Variants in NR2E1 observed in about 807,000 individuals in gnomAD.
NR2E1 encodes nuclear receptor TLX.
A neutral mutation model predicts 43.6 loss-of-function variants in NR2E1; 5 were observed. The observed-to-expected ratio is 0.11, with a 90% CI of 0.06 to 0.24. The LOEUF (loss-of-function observed/expected upper bound fraction) is 0.24. Ranked by LOEUF, NR2E1 falls within the 10% of genes least tolerant of loss-of-function variation. The pLI is 1.00. For synonymous variants in NR2E1, 191 were observed against 195.5 expected (o/e 0.98, Z 0.19); for missense variants, 287 against 496.7 (o/e 0.58, Z 4.01).
At position 108,166,824 on chromosome 6, in the gene NR2E1, C is replaced by T. The variant is rs1305409418; in HGVS notation, c.25+34C>T. On this transcript the variant is annotated intron_variant, in intron 1 of 8. Coordinates refer to ENST00000368986, the MANE Select transcript of NR2E1 (RefSeq NM_003269.5). The surrounding 1 kb of genome is among the most constrained non-coding windows in gnomAD (Gnocchi z 7.2). Reference sequence around the variant, plus strand: ...CTCTCGGGCCGCCGTGGGGCCTAGGCGCGCAGCCTGGGGCGAGCGAGCGGG... The same window carrying T: ...CTCTCGGGCCGCCGTGGGGCCTAGGTGCGCAGCCTGGGGCGAGCGAGCGGG... 1.9e-6 allele frequency: 3 copies of T among 1,582,710 alleles called. No homozygotes were observed. The highest frequency in any genetic ancestry group is 2.3e-5 in the East Asian group (1 of 43,912).
rs1773718500 is a variant in NR2E1 at position 108,166,914 on chromosome 6, C to T, written c.25+124C>T. 9.7e-7 allele frequency: 1 copy of T among 1,032,444 alleles called. No individual in the cohort carries two copies. The highest frequency in any genetic ancestry group is 1.4e-6 in the Non-Finnish European group (1 of 690,308). 64.0% of individuals were successfully genotyped at this position (1,032,444 alleles called of 1,614,324 possible). ...AGCCCCTGAGAGGGATTCCAGCGGG[C>T]GTGTGCGTTCGGCCCAGACCTGTAG... On this transcript the variant is annotated intron_variant, in intron 1 of 8. Coordinates refer to ENST00000368986, the MANE Select transcript of NR2E1 (RefSeq NM_003269.5). The surrounding 1 kb of genome is among the most constrained non-coding windows in gnomAD (Gnocchi z 7.2).
At chr6:108,185,775 T>C (rs558601673) in intron 8 of NR2E1, among the ~76,000 whole-genome samples, 1 of 152,344 alleles carries the variant, frequency 6.6e-6, no homozygotes, top group African/African-American at 2.4e-5. Flanking sequence ...AACCAACCCT[T>C]TCCCAACTAA....
intron 4 of NR2E1, among the ~76,000 whole-genome samples, chr6:108,177,330 A>G (rs2114677107): frequency 6.6e-6 from 1 of 152,360 alleles, no homozygotes; most frequent in African/African-American, 2.4e-5. Context: ...GTGGATTTAC[A>G]GCAGGGTTGA....
rs556964221 is a variant in NR2E1, at chr6:108,169,188, C to T, written c.26-2270C>T. The stretch of plus-strand genomic sequence containing the variant: ...GGCCCGCTATGCCCCGGAATTTTCG[C>T]GTCCCTCCCTCCTGGGCCCCGCCCC... On this transcript the variant is annotated intron_variant, in intron 1 of 8. Transcript: ENST00000368986. The surrounding 1 kb of genome is among the most constrained non-coding windows in gnomAD (Gnocchi z 6.1). Among the ~76,000 whole-genome samples, 1 of 152,288 alleles carries T rather than the reference C, an allele frequency of 6.6e-6. No homozygotes were observed. Among genetic ancestry groups the T allele is most frequent in the East Asian group, 1.9e-4 (1 of 5,170 alleles).
chr6:108,179,471 C>T (rs1361835902), intron 5 of NR2E1, among the ~76,000 whole-genome samples: 4 of 146,564 alleles, frequency 2.7e-5, no homozygotes, highest in African/African-American at 1.0e-4. Context: ...ACCAGGTTTA[C>T]TGGTTAGCTC....
Position 108,174,839 on chromosome 6 carries a change from G to A in NR2E1, c.175G>A (p.Gly59Ser), listed in dbSNP as rs770501650. ...TYVCKSGNQGGCPVDKTHRNQ... is the reference protein window; with the variant it reads ...TYVCKSGNQGSCPVDKTHRNQ... ...GACCTCCTGCTCTCTGTTCCAGGGA[G>A]GCTGTCCGGTGGACAAGACGCACAG... Residue 59 changes from glycine to serine, a missense_variant, in exon 3 of 9, where the codon GGC becomes AGC. This residue lies in a region of NR2E1 where 46 missense variants were observed against 132.3 expected (regional missense o/e 0.35). Transcript: ENST00000368986. 3.7e-6 allele frequency: 6 copies of A among 1,613,848 alleles called. No homozygotes were observed. The East Asian group carries it at 1.3e-4, about 36-fold the overall frequency.
chr6:108,177,204 C>A (rs894593419), intron 4 of NR2E1, among the ~76,000 whole-genome samples: 2 of 152,232 alleles, frequency 1.3e-5, no homozygotes, highest in East Asian at 3.8e-4. Context: ...CATGTATGAT[C>A]TTGGGCAAAG....
At chr6:108,177,534 A>G (rs894311881) in intron 4 of NR2E1, among the ~76,000 whole-genome samples, 3 of 152,240 alleles carry the variant, frequency 2.0e-5, no homozygotes, top group African/African-American at 4.8e-5. Context: ...GCACACGCAC[A>G]ATATTTAATA....
chr6:108,177,349 G>A (rs1773916247), intron 4 of NR2E1, among the ~76,000 whole-genome samples: 1 of 152,198 alleles, frequency 6.6e-6, no homozygotes, highest in Non-Finnish European at 1.5e-5. Context: ...GATTCCATAG[G>A]AGCAGGGCCA....
intron 3 of NR2E1, 119 bp from the exon 4 acceptor site, chr6:108,176,384 C>A: frequency 1.1e-6 from 1 of 890,892 alleles, no homozygotes; most frequent in Non-Finnish European, 1.8e-6. Context: ...TTCTTTTCAC[C>A]TCTTGGGCGA....
At chr6:108,177,953 C>T in intron 4 of NR2E1, 142 bp from the exon 5 acceptor site, 2 of 852,324 alleles carry the variant, frequency 2.3e-6, no homozygotes, top group Middle Eastern at 2.2e-4. Flanking sequence ...TTTTACCCAC[C>T]AATGTCAACT....
chr6:108,175,041 C>G, intron 3 of NR2E1, 118 bp downstream of exon 3: 1 of 951,542 alleles, frequency 1.1e-6, no homozygotes, highest in Non-Finnish European at 1.6e-6. Flanking sequence ...TTTCCAGATG[C>G]TGGGAATTGG....
intron 2 of NR2E1, among the ~76,000 whole-genome samples, chr6:108,172,765 C>T: frequency 6.6e-6 from 1 of 152,146 alleles, no homozygotes; most frequent in Non-Finnish European, 1.5e-5. Flanking sequence ...ATATTGTTTT[C>T]TAATAGTTTT....
In NR2E1 at chr6:108,187,954, AG is replaced by A; in HGVS notation, c.*492del. The A allele has an allele frequency of 5.6e-6, 1 of 180,014 alleles. No homozygotes were observed. The allele number at this position is 180,014 out of a possible 1,614,324, so 11.2% of individuals were successfully genotyped here. ...GTTTTAAATTAAAAGTGTTATCAAA[AG>A]TTTCCCCTCTATTGTAATACATTAT... On this transcript the variant is annotated 3_prime_UTR_variant, in exon 9 of 9. Coordinates refer to ENST00000368986, the MANE Select transcript of NR2E1 (RefSeq NM_003269.5).
intron 8 of NR2E1, among the ~76,000 whole-genome samples, chr6:108,184,476 A>G (rs1412279958): frequency 6.6e-6 from 1 of 152,180 alleles, no homozygotes; most frequent in Non-Finnish European, 1.5e-5. Flanking sequence ...AGAAGAGAGG[A>G]AAGCAATGTG....
chr6:108,183,294 T>A (rs1774021031), intron 8 of NR2E1, among the ~76,000 whole-genome samples: 1 of 150,778 alleles, frequency 6.6e-6, no homozygotes, highest in African/African-American at 2.4e-5. Context: ...AGCTCAAGAG[T>A]TCGAGACCAG....
rs758378092 is a variant in NR2E1 at position 108,187,584 on chromosome 6, G to GA, written c.*128dup. 7.0e-6 allele frequency: 8 copies of GA among 1,145,474 alleles called. No individual in the cohort carries two copies. The East Asian group carries it at 7.1e-5, about 10-fold the overall frequency. 71.0% of individuals were successfully genotyped at this position (1,145,474 alleles called of 1,614,324 possible). A position where few individuals can be genotyped will look rare whatever the true frequency, so the allele number is the denominator to read the frequency against. On this transcript the variant is annotated 3_prime_UTR_variant, in exon 9 of 9. Transcript: ENST00000368986. The stretch of plus-strand genomic sequence containing the variant: ...ATACCGGGGAATGTGTAGCCTTCAG[G>GA]AAAAAAATGCCAATTGACACAAAGC...
Position 108,178,120 on chromosome 6 carries a change from C to A in NR2E1, c.521C>A (p.Pro174Gln). 6.2e-7 allele frequency: 1 copy of A among 1,614,182 alleles called. No individual in the cohort carries two copies. Among genetic ancestry groups the A allele is most frequent in the South Asian group, 1.1e-5 (1 of 91,080 alleles). ...TACCCCCATGAAGTGAATGGGACCC[C>A]AATGTATCTCTATGAAGTGGCCACG... ...PKYPHEVNGT[P>Q]MYLYEVATES... Residue 174 changes from proline (P) to glutamine (Q), a missense_variant, in exon 5 of 9, where the codon CCA becomes CAA. Around this residue, in one of 4 missense-constraint regions of NR2E1, gnomAD observed 119 missense variants for 155.7 expected, o/e 0.76. Coordinates refer to ENST00000368986, the MANE Select transcript of NR2E1 (RefSeq NM_003269.5).
chr6:108,187,069 T>C (rs1774088386), intron 8 of NR2E1, among the ~76,000 whole-genome samples: 1 of 152,146 alleles, frequency 6.6e-6, no homozygotes, highest in Non-Finnish European at 1.5e-5. Flanking sequence ...TTTGTTAATG[T>C]AGAGAGGGTG....
Sources: gnomAD v4.1 joint callset for allele counts (sites outside exome capture counted in the v4.1 genomes callset) on GRCh38, gnomAD v4.1.1 for gene constraint, gnomAD v4.1.1 regional missense constraint, Gnocchi (gnomAD v3.1) non-coding constraint, MANE v1.5 for transcripts, NCBI Gene and HGNC (gene_info 2026-07-23, HGNC 2026-07-21) for gene names.